The following UBN2 variants were observed in gnomAD, a reference collection of about 807,000 sequenced individuals.
The protein encoded by UBN2 is ubinuclein 2, also known as ubinuclein-2.
UBN2 carries 35 observed loss-of-function variants against 120.2 expected under a neutral mutation model. The ratio of observed to expected loss-of-function variants is 0.29; its 90% confidence interval spans 0.22 to 0.39. The LOEUF is 0.39. Ranked by LOEUF, UBN2 falls within the 10% of genes least tolerant of loss-of-function variation. The pLI is 1.00. For missense variants in UBN2, 1,693 were observed against 1,663.2 expected (o/e 1.02, Z -0.31); for synonymous variants, 661 against 648.7 (o/e 1.02, Z -0.29).
rs1796637500 is a variant in UBN2, at chr7:139,252,045, T to C, written c.651T>C (p.Asp217=). 2 of 1,613,758 alleles carry C rather than the reference T, an allele frequency of 1.2e-6. No individual in the cohort carries two copies. Among genetic ancestry groups the C allele is most frequent in the African/African-American group, 1.3e-5 (1 of 74,944 alleles). ...ATGATGAGACAGATCCATTTATTGA[T>C]AACTCAGAGGCTGTGAGTAATGTAT... ...FGYDETDPFI[D]NSEAYDELVP... The change falls in exon 3 of 18, where the codon GAT becomes GAC. Residue 217 remains aspartate (D), a synonymous_variant. Coordinates refer to ENST00000473989, the MANE Select transcript of UBN2 (RefSeq NM_173569.4).
At chr7:139,281,272 A>G (rs1797599413) in intron 13 of UBN2, among the ~76,000 whole-genome samples, 1 of 152,164 alleles carries the variant, frequency 6.6e-6, no homozygotes, top group South Asian at 2.1e-4. Context: ...TGGAAAAGCT[A>G]TACTGTTAAT....
intron 6 of UBN2, among the ~76,000 whole-genome samples, chr7:139,265,427 G>A (rs970691053): frequency 2.6e-5 from 4 of 152,130 alleles, no homozygotes; most frequent in African/African-American, 7.2e-5. Flanking sequence ...GCAGTAAGCC[G>A]AGATCGCGCC....
chr7:139,329,156 G>T, the UBN2 span, among the ~76,000 whole-genome samples: 1 of 151,292 alleles, frequency 6.6e-6, no homozygotes, highest in Admixed American at 6.6e-5. Context: ...TGATTTAGAG[G>T]TCAGTATGGC....
chr7:139,296,246 T>C (rs1288048735), intron 17 of UBN2, among the ~76,000 whole-genome samples: 1 of 152,218 alleles, frequency 6.6e-6, no homozygotes, highest in Non-Finnish European at 1.5e-5. Flanking sequence ...ATAGTAAATA[T>C]GTTAGGCTTT....
In UBN2 at chr7:139,236,903, A is replaced by G. The variant is rs569852898; in HGVS notation, c.469-102A>G. The G allele has an allele frequency of 1.3e-4, 76 of 568,676 alleles. No individual in the cohort carries two copies. The East Asian group carries it at 2.1e-3, about 16-fold the overall frequency. The allele number at this position is 568,676 out of a possible 1,614,324, so 35.2% of individuals were successfully genotyped here. On this transcript the variant is annotated intron_variant, in intron 1 of 17. Transcript: ENST00000473989. ...CCTTTCAGATCACATTTATTGAAAT[A>G]GAATTGAAGTGGTTGTTACATAATG...
At chr7:139,268,816 C>T (rs952776216) in intron 7 of UBN2, among the ~76,000 whole-genome samples, 3 of 152,116 alleles carry the variant, frequency 2.0e-5, no homozygotes, top group Non-Finnish European at 4.4e-5. Flanking sequence ...TAGAGTTTGC[C>T]CCTGTAACCC....
At chr7:139,253,718 T>C (rs1796681711) in intron 3 of UBN2, among the ~76,000 whole-genome samples, 2 of 152,216 alleles carry the variant, frequency 1.3e-5, no homozygotes, top group African/African-American at 2.4e-5. Flanking sequence ...ACAAGTCATG[T>C]TTTGCAGTAG....
chr7:139,307,545 A>G lies in UBN2; in HGVS notation c.*9709A>G, dbSNP rs537171942. The G allele has an allele frequency of 2.6e-5, 4 of 151,834 alleles. No homozygotes were observed. The highest frequency in any genetic ancestry group is 6.6e-5 in the Admixed American group (1 of 15,240). 9.4% of individuals were successfully genotyped at this position (151,834 alleles called of 1,614,324 possible). A position where few individuals can be genotyped will look rare whatever the true frequency, so the allele number is the denominator to read the frequency against. ...TGATGACATGTGAATGGGTGCGGGT[A>G]TGTGTGCGTGTGTGTTTGTATAAGG... On this transcript the variant is annotated 3_prime_UTR_variant, in exon 18 of 18. Transcript: ENST00000473989.
rs1342997566 is a variant in UBN2, at chr7:139,300,374, T to A, written c.*2538T>A. On this transcript the variant is annotated 3_prime_UTR_variant, in exon 18 of 18. Coordinates refer to ENST00000473989, the MANE Select transcript of UBN2 (RefSeq NM_173569.4). ...TATAGATAAAGTATGATCAGAGAGT[T>A]TCTACATGTAAATAGTAATCTATTT... 6.6e-6 allele frequency: 1 copy of A among 152,178 alleles called. No homozygotes were observed. Among genetic ancestry groups the A allele is most frequent in the Non-Finnish European group, 1.5e-5 (1 of 68,036 alleles). 9.4% of individuals were successfully genotyped at this position (152,178 alleles called of 1,614,324 possible).
At chr7:139,279,263 C>T in intron 12 of UBN2, 55 bp from the exon 13 acceptor site, 1 of 1,338,298 alleles carries the variant, frequency 7.5e-7, no homozygotes, top group Non-Finnish European at 1.1e-6. Context: ...ATATAACTTT[C>T]TAATGAGCAA....
chr7:139,311,736 T>C (rs964128258), downstream of UBN2, among the ~76,000 whole-genome samples: 1 of 152,230 alleles, frequency 6.6e-6, no homozygotes, highest in African/African-American at 2.4e-5. Context: ...TTTAAAAATC[T>C]GGTGTAGTTA....
intron 1 of UBN2, among the ~76,000 whole-genome samples, chr7:139,233,424 A>G (rs578176433): frequency 6.6e-6 from 1 of 152,268 alleles, no homozygotes; most frequent in African/African-American, 2.4e-5. Flanking sequence ...ATTACAGGAG[A>G]AAAGCATTAT....
rs1175195798 is a variant in UBN2, at chr7:139,295,088, CT to C, written c.3994+1123del. On this transcript the variant is annotated intron_variant, in intron 17 of 17. Coordinates refer to ENST00000473989, the MANE Select transcript of UBN2 (RefSeq NM_173569.4). Reference sequence around the variant, plus strand: ...AACTTTGGAAGTTGACTAGGCCTCACTTTTTTTTTTTTTTTTGGCCACTGCA... The same window carrying C: ...AACTTTGGAAGTTGACTAGGCCTCACTTTTTTTTTTTTTTTGGCCACTGCA... Among the ~76,000 whole-genome samples the C allele has an allele frequency of 3.0e-3, 415 of 137,444 alleles. 1 individual carries two copies. The highest frequency in any genetic ancestry group is 3.2e-3 in the Admixed American group (43 of 13,644). 90.2% of individuals were successfully genotyped at this position (137,444 alleles called of 152,430 possible).
At chr7:139,290,546 C>T (rs1227632548) in intron 15 of UBN2, among the ~76,000 whole-genome samples, 1 of 152,108 alleles carries the variant, frequency 6.6e-6, no homozygotes, top group Admixed American at 6.5e-5. Flanking sequence ...ATGGAATTCC[C>T]TGATGAAAGC....
the UBN2 span, among the ~76,000 whole-genome samples, chr7:139,316,103 AAAAAG>A: frequency 5.7e-3 from 786 of 138,668 alleles, 89 homozygotes; most frequent in Non-Finnish European, 9.4e-3. Context: ...AAAAAAAAAA[AAAAAG>A]GGGTTCCAGT....
At position 139,258,388 on chromosome 7, in the gene UBN2, G is replaced by GAA. The variant is rs778620203; in HGVS notation, c.664-100_664-99insAA. Reference sequence around the variant, plus strand: ...CTTATTGCAGTCTGTGTTGCAGTTAGGATTTAAGGGAGATGCTGCCATGGT... The same window carrying GAA: ...CTTATTGCAGTCTGTGTTGCAGTTAGAAGATTTAAGGGAGATGCTGCCATGGT... On this transcript the variant is annotated intron_variant, in intron 3 of 17. Coordinates refer to ENST00000473989, the MANE Select transcript of UBN2 (RefSeq NM_173569.4). 5.6e-6 allele frequency: 5 copies of GAA among 889,634 alleles called. No homozygotes were observed. In the South Asian group the frequency reaches 1.4e-4, roughly 24 times the overall value. The allele number at this position is 889,634 out of a possible 1,614,324, so 55.1% of individuals were successfully genotyped here. A position where few individuals can be genotyped will look rare whatever the true frequency, so the allele number is the denominator to read the frequency against.
At chr7:139,329,579 A>G in the UBN2 span, among the ~76,000 whole-genome samples, 7 of 152,186 alleles carry the variant, frequency 4.6e-5, no homozygotes, top group Non-Finnish European at 1.0e-4. Flanking sequence ...AGAGGAGAGA[A>G]GGTTGTTCCA....
intron 5 of UBN2, among the ~76,000 whole-genome samples, 198 bp from the exon 6 acceptor site, chr7:139,261,054 T>A (rs1047225801): frequency 2.0e-5 from 3 of 152,218 alleles, no homozygotes; most frequent in Non-Finnish European, 4.4e-5. Flanking sequence ...AATGGCCATT[T>A]ACCTATTTGC....
chr7:139,284,529 A>G lies in UBN2; in HGVS notation c.3624A>G (p.Arg1208=). 1 of 1,613,466 alleles carries G rather than the reference A, an allele frequency of 6.2e-7. No individual in the cohort carries two copies. Among genetic ancestry groups the G allele is most frequent in the Non-Finnish European group, 8.5e-7 (1 of 1,179,964 alleles). The change falls in exon 15 of 18, where the codon AGA becomes AGG. Residue 1208 remains arginine, a synonymous_variant. Coordinates refer to ENST00000473989, the MANE Select transcript of UBN2 (RefSeq NM_173569.4). ...GATKPLSTPH[R]PSTASGSSVV... ...CCAAACCATTGTCTACTCCACATAGACCATCCACTGCCTCAGGGTCTTCAG... is the reference window on the plus strand; with the variant it reads ...CCAAACCATTGTCTACTCCACATAGGCCATCCACTGCCTCAGGGTCTTCAG...
Sources: gnomAD v4.1 joint callset for allele counts (sites outside exome capture counted in the v4.1 genomes callset) on GRCh38, gnomAD v4.1.1 for gene constraint, MANE v1.5 for transcripts, NCBI Gene and HGNC (gene_info 2026-07-23, HGNC 2026-07-21) for gene names.